The following BMP5 variants were observed in gnomAD, a reference collection of about 807,000 sequenced individuals.
BMP5 encodes the protein bone morphogenetic protein 5.
BMP5 carries 23 observed loss-of-function variants against 46.6 expected under a neutral mutation model. The ratio of observed to expected loss-of-function variants is 0.49; its 90% CI spans 0.35 to 0.70. The LOEUF (loss-of-function observed/expected upper bound fraction) is 0.70, where lower values mean the gene tolerates loss of function less well. Ranked by LOEUF, BMP5 falls within the 30% of genes least tolerant of loss-of-function variation. The pLI is 0.00. For synonymous variants in BMP5, 204 were observed against 191.9 expected (o/e 1.06, Z -0.52); for missense variants, 545 against 565.6 (o/e 0.96, Z 0.37).
chr6:55,815,149 A>G (rs1776226975), intron 2 of BMP5, among the ~76,000 whole-genome samples: 1 of 151,810 alleles, frequency 6.6e-6, no homozygotes, highest in South Asian at 2.1e-4. Context: ...AAAAAAAAAA[A>G]AAAGAATTGA....
intron 3 of BMP5, among the ~76,000 whole-genome samples, chr6:55,787,750 C>G (rs564018860): frequency 6.6e-6 from 1 of 151,604 alleles, no homozygotes; most frequent in South Asian, 2.1e-4. Context: ...TACCCACTTT[C>G]AAGATAATTG....
At chr6:55,852,698 A>G (rs552066835) in intron 1 of BMP5, among the ~76,000 whole-genome samples, 22 of 152,278 alleles carry the variant, frequency 1.4e-4, no homozygotes, top group African/African-American at 5.3e-4. Flanking sequence ...ATACAGTTAA[A>G]ACTTGTAGCA....
chr6:55,830,260 G>T (rs1262503896), intron 1 of BMP5, among the ~76,000 whole-genome samples: 1 of 152,038 alleles, frequency 6.6e-6, no homozygotes, highest in African/African-American at 2.4e-5. Context: ...AATCAATAAA[G>T]AAATCACATG....
intron 1 of BMP5, among the ~76,000 whole-genome samples, chr6:55,829,680 A>C (rs1434488831): frequency 6.6e-6 from 1 of 151,930 alleles, no homozygotes. Context: ...TTGAGGAAGA[A>C]AAAAAGGTAA....
intron 4 of BMP5, among the ~76,000 whole-genome samples, chr6:55,769,282 T>G (rs751429729): frequency 2.0e-5 from 3 of 151,962 alleles, no homozygotes; most frequent in Non-Finnish European, 4.4e-5. Flanking sequence ...AAATCCTGCC[T>G]CTACTCTAGT....
At chr6:55,771,608 A>G (rs1396676295) in intron 4 of BMP5, among the ~76,000 whole-genome samples, 1 of 151,958 alleles carries the variant, frequency 6.6e-6, no homozygotes, top group Non-Finnish European at 1.5e-5. Context: ...TATGGAAGAA[A>G]AAAAGAACAT....
chr6:55,874,566 T>C lies in BMP5; in HGVS notation c.300A>G (p.Ser100=), dbSNP rs758239109. 10 of 1,613,406 alleles carry C rather than the reference T, an allele frequency of 6.2e-6. No individual in the cohort carries two copies. In the African/African-American group the frequency reaches 9.4e-5, roughly 15 times the overall value. The part of the protein sequence containing the change: ...NEENPEESEY[S]VRASLAEETR... ...TCTCTTCTGCCAAGGATGCCCTTAC[T>C]GAGTACTCCGACTCTTCAGGATTTT... The change falls in exon 1 of 7, where the codon TCA becomes TCG. Residue 100 remains serine (S), a synonymous_variant. Coordinates refer to ENST00000370830, the MANE Select transcript of BMP5 (RefSeq NM_021073.4).
At chr6:55,835,605 A>G (rs889022489) in intron 1 of BMP5, among the ~76,000 whole-genome samples, 2 of 152,190 alleles carry the variant, frequency 1.3e-5, no homozygotes, top group Admixed American at 6.6e-5. Flanking sequence ...GTTGTGTTTA[A>G]TGCTAAGCTA....
rs1777881565 is a variant in BMP5, at chr6:55,875,293, T to C, written c.-428A>G. 4.8e-6 allele frequency: 1 copy of C among 208,812 alleles called. No homozygotes were observed. Among genetic ancestry groups the C allele is most frequent in the South Asian group, 7.5e-5 (1 of 13,290 alleles). 12.9% of individuals were successfully genotyped at this position (208,812 alleles called of 1,614,324 possible). A position where few individuals can be genotyped will look rare whatever the true frequency, so the allele number is the denominator to read the frequency against. On this transcript the variant is annotated 5_prime_UTR_variant, in exon 1 of 7. Transcript: ENST00000370830. Reference sequence around the variant, plus strand: ...ATCTTCACTTGCTTTTGAGTTCTTCTCAACCCTTGAGCTCTTTCCAAAACA... The same window carrying C: ...ATCTTCACTTGCTTTTGAGTTCTTCCCAACCCTTGAGCTCTTTCCAAAACA...
At chr6:55,807,432 A>G (rs901387834) in intron 2 of BMP5, among the ~76,000 whole-genome samples, 1 of 152,228 alleles carries the variant, frequency 6.6e-6, no homozygotes, top group Non-Finnish European at 1.5e-5. Context: ...CGTGGTGGAT[A>G]AGCTTTTGGA....
rs1284928194 is a variant in BMP5 at position 55,754,189 on chromosome 6, C to A, written c.*1344G>T. 1 of 151,932 alleles carries A rather than the reference C, an allele frequency of 6.6e-6. No homozygotes were observed. The highest frequency in any genetic ancestry group is 2.1e-4 in the South Asian group (1 of 4,822). 9.4% of individuals were successfully genotyped at this position (151,932 alleles called of 1,614,324 possible). A position where few individuals can be genotyped will look rare whatever the true frequency, so the allele number is the denominator to read the frequency against. On this transcript the variant is annotated 3_prime_UTR_variant, in exon 7 of 7. Transcript: ENST00000370830. ...TAAATAAGCCTAACCACAGAGTCACCATAAATAGCAAGTTATCAATCTAAA... is the reference window on the plus strand; with the variant it reads ...TAAATAAGCCTAACCACAGAGTCACAATAAATAGCAAGTTATCAATCTAAA...
chr6:55,818,198 A>G (rs770790193), intron 2 of BMP5, among the ~76,000 whole-genome samples: 11 of 151,310 alleles, frequency 7.3e-5, no homozygotes, highest in Admixed American at 2.0e-4. Context: ...TTTAGATGAC[A>G]TGTATACAGG....
intron 1 of BMP5, among the ~76,000 whole-genome samples, chr6:55,870,043 T>G (rs1777743049): frequency 6.6e-6 from 1 of 151,498 alleles, no homozygotes; most frequent in African/African-American, 2.4e-5. Flanking sequence ...AATACTGGGA[T>G]GAGAAGGGAG....
intron 1 of BMP5, among the ~76,000 whole-genome samples, chr6:55,853,338 C>T (rs531492772): frequency 4.5e-4 from 65 of 145,486 alleles, no homozygotes; most frequent in Non-Finnish European, 8.3e-4. Context: ...CCCCCTCCCC[C>T]GCTTTCTCTC....
chr6:55,874,442 G>C lies in BMP5; in HGVS notation c.424C>G (p.Leu142Val), dbSNP rs1238750301. 21 of 1,613,362 alleles carry C rather than the reference G, an allele frequency of 1.3e-5. No homozygotes were observed. Among genetic ancestry groups the C allele is most frequent in the East Asian group, 2.2e-5 (1 of 44,832 alleles). The stretch of plus-strand genomic sequence containing the variant: ...AAGTTGGTATCATGGAGGCTGGCTA[G>C]AGGAGGACTCTGGGTGGTCAGAGGA... ...TTPLTTQSPPLASLHDTNFLN... is the reference protein window; with the variant it reads ...TTPLTTQSPPVASLHDTNFLN... Residue 142 changes from leucine to valine, a missense_variant, in exon 1 of 7, where the codon CTA (leucine) becomes GTA (valine). Coordinates refer to ENST00000370830, the MANE Select transcript of BMP5 (RefSeq NM_021073.4).
At chr6:55,787,657 T>C (rs1269802692) in intron 3 of BMP5, among the ~76,000 whole-genome samples, 4 of 151,560 alleles carry the variant, frequency 2.6e-5, no homozygotes, top group Non-Finnish European at 5.9e-5. Context: ...TGTCAATTAC[T>C]GGGAATGAAC....
intron 1 of BMP5, among the ~76,000 whole-genome samples, chr6:55,862,889 T>A (rs1777556352): frequency 2.0e-5 from 3 of 152,176 alleles, no homozygotes; most frequent in African/African-American, 7.2e-5. Flanking sequence ...AACAGACTTT[T>A]AAAAAAAATT....
At chr6:55,797,354 AC>A (rs1775739621) in intron 2 of BMP5, among the ~76,000 whole-genome samples, 1 of 152,224 alleles carries the variant, frequency 6.6e-6, no homozygotes, top group Non-Finnish European at 1.5e-5. Context: ...GTTTTGCTTC[AC>A]TTTTTAAAAG....
chr6:55,860,712 T>C (rs1356583301), intron 1 of BMP5, among the ~76,000 whole-genome samples: 2 of 152,216 alleles, frequency 1.3e-5, no homozygotes, highest in East Asian at 1.9e-4. Flanking sequence ...TTCAGTGTTT[T>C]AGCTAAACGT....
Sources: gnomAD v4.1 joint callset for allele counts (sites outside exome capture counted in the v4.1 genomes callset) on GRCh38, gnomAD v4.1.1 for gene constraint, MANE v1.5 for transcripts, NCBI Gene and HGNC (gene_info 2026-07-23, HGNC 2026-07-21) for gene names.